Variants in MB21D2 observed in about 807,000 individuals in gnomAD.
MB21D2 encodes Mab-21 domain containing 2.
A neutral mutation model predicts 33.3 loss-of-function variants in MB21D2; 9 were observed. The observed-to-expected ratio is 0.27, with a 90% CI of 0.16 to 0.47. The LOEUF is 0.47. MB21D2 is among the 20% of genes least tolerant of loss of function. The probability of loss-of-function intolerance (pLI) is 0.99; values close to 1 mark genes in which losing one functional copy is unlikely to be tolerated. For missense variants in MB21D2, 540 were observed against 624.6 expected, an observed-to-expected ratio of 0.86 and a Z score of 1.44; for synonymous variants, 241 against 236.3, an observed-to-expected ratio of 1.02 and a Z score of -0.18.
chr3:192,818,266 G>A (rs1007204517), intron 1 of MB21D2, among the ~76,000 whole-genome samples: 1 of 152,090 alleles, frequency 6.6e-6, no homozygotes, highest in Non-Finnish European at 1.5e-5. Context: ...CTGGGGTTTA[G>A]GCCACTGATA....
intron 1 of MB21D2, among the ~76,000 whole-genome samples, chr3:192,861,650 C>G (rs1043994062): frequency 6.6e-6 from 1 of 151,954 alleles, no homozygotes; most frequent in African/African-American, 2.4e-5. Flanking sequence ...CTACTAAATA[C>G]GAAATTAGCC....
chr3:192,898,701 C>A (rs1714029443), intron 1 of MB21D2, among the ~76,000 whole-genome samples: 1 of 152,212 alleles, frequency 6.6e-6, no homozygotes, highest in African/African-American at 2.4e-5. Context: ...CATTGAGTTT[C>A]TATGGCAGTG....
intron 1 of MB21D2, among the ~76,000 whole-genome samples, chr3:192,900,112 G>A (rs1425725590): frequency 1.3e-5 from 2 of 151,706 alleles, no homozygotes; most frequent in Admixed American, 6.6e-5. Flanking sequence ...GTGAAACCCC[G>A]TCTCTACTAA....
At chr3:192,915,282 G>A (rs1216312663) in intron 1 of MB21D2, among the ~76,000 whole-genome samples, 1 of 152,098 alleles carries the variant, frequency 6.6e-6, no homozygotes, top group East Asian at 1.9e-4. Flanking sequence ...AAGAACCAAA[G>A]CTATGGCAAG....
chr3:192,893,871 A>G (rs574792202), intron 1 of MB21D2, among the ~76,000 whole-genome samples: 1 of 152,228 alleles, frequency 6.6e-6, no homozygotes, highest in African/African-American at 2.4e-5. Flanking sequence ...CCCTATCTCT[A>G]CTACATATTT....
At chr3:192,892,331 T>A (rs763608092) in intron 1 of MB21D2, among the ~76,000 whole-genome samples, 5 of 152,248 alleles carry the variant, frequency 3.3e-5, no homozygotes, top group African/African-American at 4.8e-5. Context: ...GGTCTTTGAA[T>A]TAATAACCCA....
At chr3:192,817,904 G>A (rs1041850022) in intron 1 of MB21D2, among the ~76,000 whole-genome samples, 40 of 126,924 alleles carry the variant, frequency 3.2e-4, no homozygotes, top group African/African-American at 9.4e-4. Flanking sequence ...CTCCATTTTC[G>A]TCCCTGTCTT....
At chr3:192,907,531 C>A (rs886635409) in intron 1 of MB21D2, among the ~76,000 whole-genome samples, 1 of 152,108 alleles carries the variant, frequency 6.6e-6, no homozygotes, top group Non-Finnish European at 1.5e-5. Flanking sequence ...GATCTCCAAC[C>A]GATTCTGTGA....
Position 192,917,850 on chromosome 3 carries a change from G to T in MB21D2, c.-10C>A, listed in dbSNP as rs1479540566. ...GAGCCGCCATCTTCATGCAAAACGC[G>T]CCGAGTAGCAGCTCCGCGGCAGCGC... On this transcript the variant is annotated 5_prime_UTR_variant, in exon 1 of 2. Transcript: ENST00000392452. 23 of 1,605,356 alleles carry T rather than the reference G, an allele frequency of 1.4e-5. No homozygotes were observed. The highest frequency in any genetic ancestry group is 2.0e-5 in the Non-Finnish European group (23 of 1,175,828).
intron 1 of MB21D2, among the ~76,000 whole-genome samples, chr3:192,868,674 T>C (rs1033248281): frequency 6.6e-6 from 1 of 152,188 alleles, no homozygotes; most frequent in African/African-American, 2.4e-5. Flanking sequence ...TTTTTCAATA[T>C]ACCGAGGCTC....
At chr3:192,817,776 T>C (rs921495984) in intron 1 of MB21D2, among the ~76,000 whole-genome samples, 18 of 152,152 alleles carry the variant, frequency 1.2e-4, no homozygotes, top group African/African-American at 3.9e-4. Flanking sequence ...GCACCCAGCA[T>C]AGGCTGCCAG....
chr3:192,896,177 T>C (rs1184491228), intron 1 of MB21D2, among the ~76,000 whole-genome samples: 1 of 152,168 alleles, frequency 6.6e-6, no homozygotes, highest in Non-Finnish European at 1.5e-5. Flanking sequence ...GCTATAAAAT[T>C]AAAAGATGAA....
chr3:192,827,973 T>C (rs962411963), intron 1 of MB21D2, among the ~76,000 whole-genome samples: 2 of 152,048 alleles, frequency 1.3e-5, no homozygotes, highest in African/African-American at 4.8e-5. Flanking sequence ...CTCGTGGTAG[T>C]GAATAAGTCT....
At chr3:192,899,335 CCTGA>C (rs1714044575) in intron 1 of MB21D2, among the ~76,000 whole-genome samples, 1 of 152,012 alleles carries the variant, frequency 6.6e-6, no homozygotes, top group South Asian at 2.1e-4. Context: ...TCGAGACCAG[CCTGA>C]CTAACATGGT....
intron 1 of MB21D2, among the ~76,000 whole-genome samples, chr3:192,835,324 C>T (rs980937877): frequency 5.3e-5 from 8 of 150,540 alleles, no homozygotes; most frequent in African/African-American, 1.5e-4. Context: ...GGTGTGGTGG[C>T]GGGCACCTGT....
At chr3:192,882,068 G>C (rs1231899702) in intron 1 of MB21D2, among the ~76,000 whole-genome samples, 2 of 152,100 alleles carry the variant, frequency 1.3e-5, no homozygotes, top group Non-Finnish European at 2.9e-5. Flanking sequence ...AGGGTCGTCT[G>C]TCTCATTCAG....
intron 1 of MB21D2, among the ~76,000 whole-genome samples, chr3:192,901,413 CAAAAAAA>C (rs71635401): frequency 5.9e-5 from 6 of 100,888 alleles, no homozygotes; most frequent in African/African-American, 1.5e-4. Flanking sequence ...ACTAAAAATT[CAAAAAAA>C]AAAAAAAAAA....
At chr3:192,837,853 A>C (rs1712473200) in intron 1 of MB21D2, among the ~76,000 whole-genome samples, 1 of 152,242 alleles carries the variant, frequency 6.6e-6, no homozygotes, top group Non-Finnish European at 1.5e-5. Context: ...AACAAATCAC[A>C]GTTCATATCA....
intron 1 of MB21D2, among the ~76,000 whole-genome samples, chr3:192,845,915 C>CA (rs1017482880): frequency 1.3e-5 from 2 of 149,254 alleles, no homozygotes; most frequent in Non-Finnish European, 2.9e-5. Context: ...CCTGTCTCTA[C>CA]AAAAAATAAA....
Sources: gnomAD v4.1 joint callset for allele counts (sites outside exome capture counted in the v4.1 genomes callset) on GRCh38, gnomAD v4.1.1 for gene constraint, MANE v1.5 for transcripts, NCBI Gene and HGNC (gene_info 2026-07-23, HGNC 2026-07-21) for gene names.